The following RTN4R variants were observed in gnomAD, a reference collection of about 807,000 sequenced individuals.
The protein encoded by RTN4R is reticulon 4 receptor, also known as reticulon-4 receptor.
In RTN4R, 4 loss-of-function variants were observed where a neutral mutation model predicts 27.7. That is an observed-to-expected ratio of 0.14 (90% CI 0.07 to 0.33). The LOEUF is 0.33. RTN4R is among the 10% of genes least tolerant of loss of function. RTN4R has a pLI of 1.00. For missense variants in RTN4R, 554 were observed against 671.5 expected (o/e 0.83, Z 1.93); for synonymous variants, 290 against 305.6 (o/e 0.95, Z 0.53).
At chr22:20,248,006 G>A (rs1423658571) in intron 1 of RTN4R, among the ~76,000 whole-genome samples, 2 of 152,214 alleles carry the variant, frequency 1.3e-5, no homozygotes, top group Non-Finnish European at 2.9e-5. Context: ...CAGAGACAAC[G>A]AGATGTAGGT....
At chr22:20,268,038 C>T in intron 1 of RTN4R, 33 bp downstream of exon 1, 2 of 1,154,850 alleles carry the variant, frequency 1.7e-6, no homozygotes, top group South Asian at 4.1e-5. Context: ...CGCCCCGCCG[C>T]CGGCCGGGCT....
chr22:20,242,496 G>A lies in RTN4R; in HGVS notation c.637C>T (p.Arg213Cys), dbSNP rs764343548. Reference protein sequence around the residue: ...SLDRLLLHQNRVAHVHPHAFR... With the variant: ...SLDRLLLHQNCVAHVHPHAFR... ...GCATGCGGGTGCACATGGGCCACGC[G>A]GTTCTGGTGCAGTAGGAGACGGTCG... Residue 213 changes from arginine to cysteine, a missense_variant, in exon 2 of 2, where the codon CGC (arginine) becomes TGC (cysteine). Physicochemically the swap from Arg to Cys is radical, Grantham distance 180. Coordinates refer to ENST00000043402, the MANE Select transcript of RTN4R (RefSeq NM_023004.6). The A allele has an allele frequency of 8.1e-6, 13 of 1,613,654 alleles. No individual in the cohort carries two copies. The highest frequency in any genetic ancestry group is 2.2e-5 in the East Asian group (1 of 44,900).
At chr22:20,261,665 AC>A (rs1480714847) in intron 1 of RTN4R, among the ~76,000 whole-genome samples, 2 of 152,202 alleles carry the variant, frequency 1.3e-5, no homozygotes, top group Non-Finnish European at 2.9e-5. Context: ...ACAGAAGGGC[AC>A]CAGGCACTGC....
chr22:20,257,454 C>T (rs1376147287), intron 1 of RTN4R, among the ~76,000 whole-genome samples: 3 of 152,160 alleles, frequency 2.0e-5, no homozygotes, highest in African/African-American at 7.2e-5. Flanking sequence ...TCAGAGAGTA[C>T]ATGCCCTCCT....
At position 20,241,756 on chromosome 22, in the gene RTN4R, G is replaced by T; in HGVS notation, c.1377C>A (p.Pro459=). Residue 459 remains proline, a synonymous_variant, in exon 2 of 2, where the codon CCC becomes CCA. Transcript: ENST00000043402. ...TCCACAGCACCAGCGCCAGGCCCAG[G>T]GGGGTGAGGCTGCAGGTGAGGCTGG... ...ALPSLTCSLT[P]LGLALVLWTV... 2.6e-6 allele frequency: 4 copies of T among 1,552,786 alleles called. No individual in the cohort carries two copies. The highest frequency in any genetic ancestry group is 3.5e-6 in the Non-Finnish European group (4 of 1,148,198).
intron 1 of RTN4R, among the ~76,000 whole-genome samples, chr22:20,258,732 C>T (rs921028106): frequency 1.3e-5 from 2 of 152,154 alleles, no homozygotes; most frequent in Non-Finnish European, 2.9e-5. Flanking sequence ...TGATGGAGAC[C>T]GTCCTGCAAC....
rs938497859 is a variant in RTN4R, at chr22:20,242,263, C to T, written c.870G>A (p.Pro290=). The T allele has an allele frequency of 3.8e-6, 6 of 1,597,788 alleles. No individual in the cohort carries two copies. In the African/African-American group the frequency reaches 5.4e-5, roughly 14 times the overall value. ...GSSSEVPCSL[P]QRLAGRDLKR... is the part of the protein sequence containing the mutation. ...TGAGGTCACGGCCAGCCAGGCGTTG[C>T]GGGAGGCTGCAGGGCACCTCGGAGG... Residue 290 remains proline, a synonymous_variant, in exon 2 of 2, where the codon CCG becomes CCA. Transcript: ENST00000043402.
chr22:20,266,284 G>A (rs1569043675), intron 1 of RTN4R, among the ~76,000 whole-genome samples: 1 of 152,240 alleles, frequency 6.6e-6, no homozygotes, highest in Non-Finnish European at 1.5e-5. Context: ...TCTGGTGGTG[G>A]CCAGGGGAGC....
At chr22:20,262,760 G>C (rs1602651974) in intron 1 of RTN4R, among the ~76,000 whole-genome samples, 1 of 152,250 alleles carries the variant, frequency 6.6e-6, no homozygotes, top group Non-Finnish European at 1.5e-5. Flanking sequence ...ACCAGGAAGG[G>C]TGGAGCTGCC....
In RTN4R at chr22:20,242,436, G is replaced by C. The variant is rs750323533; in HGVS notation, c.697C>G (p.Leu233Val). The C allele has an allele frequency of 4.3e-6, 7 of 1,613,534 alleles. No homozygotes were observed. In the South Asian group the frequency reaches 6.6e-5, roughly 15 times the overall value. Residue 233 changes from leucine (L) to valine (V), a missense_variant, in exon 2 of 2, where the codon CTG (leucine) becomes GTG (valine). By Grantham distance (32) the Leu-to-Val change is conservative (BLOSUM62 1). Coordinates refer to ENST00000043402, the MANE Select transcript of RTN4R (RefSeq NM_023004.6). ...AGCGCTGATAGATTGTTGGCAAACAGATAGAGTGTCATGAGGCGGCCAAGG... is the reference window on the plus strand; with the variant it reads ...AGCGCTGATAGATTGTTGGCAAACACATAGAGTGTCATGAGGCGGCCAAGG... ...RDLGRLMTLY[L>V]FANNLSALPT...
intron 1 of RTN4R, among the ~76,000 whole-genome samples, chr22:20,264,854 G>C (rs896960353): frequency 2.0e-5 from 3 of 152,210 alleles, no homozygotes; most frequent in African/African-American, 7.2e-5. Flanking sequence ...CCAGAATGGG[G>C]GCGGGACGGC....
intron 1 of RTN4R, among the ~76,000 whole-genome samples, chr22:20,245,494 G>T (rs2051135245): frequency 1.3e-5 from 2 of 152,100 alleles, no homozygotes; most frequent in Non-Finnish European, 2.9e-5. Flanking sequence ...CAGCCAGGTG[G>T]GGGGAGGGTG....
In RTN4R at chr22:20,242,030, C is replaced by T; in HGVS notation, c.1103G>A (p.Ser368Asn). 1 of 1,611,910 alleles carries T rather than the reference C, an allele frequency of 6.2e-7. No individual in the cohort carries two copies. Among genetic ancestry groups the T allele is most frequent in the Non-Finnish European group, 8.5e-7 (1 of 1,179,860 alleles). The change falls in exon 2 of 2, where the codon AGC becomes AAC. Residue 368 changes from serine (S) to asparagine (N), a missense_variant. By Grantham distance (46) the Ser-to-Asn change is conservative. Around this residue, in one of 2 missense-constraint regions of RTN4R, gnomAD observed 413 missense variants for 542.3 expected, o/e 0.76. Coordinates refer to ENST00000043402, the MANE Select transcript of RTN4R (RefSeq NM_023004.6). ...ALKGRVPPGDSPPGNGSGPRH... is the reference protein window; with the variant it reads ...ALKGRVPPGDNPPGNGSGPRH... ...TGGGCCAGAGCCGTTGCCCGGCGGG[C>T]TGTCACCGGGCGGCACGCGTCCCTT... is the stretch of plus-strand genomic sequence containing the variant.
intron 1 of RTN4R, among the ~76,000 whole-genome samples, chr22:20,256,973 T>C (rs915126759): frequency 1.3e-5 from 2 of 152,238 alleles, no homozygotes; most frequent in African/African-American, 4.8e-5. Context: ...TTAGCAGGCT[T>C]CTGTGTAGCT....
exon 1 of RTN4R, chr22:20,268,298 AGGGCGGCGGCGGCGCGGGGGTTGGGGCGT>A (rs2051292761): frequency 7.0e-3 from 9 of 1,294 alleles, no homozygotes; most frequent in Middle Eastern, 0.17. Context: ...GCACAGGGCG[AGGGCGGCGGCGGCGCGGGGGTTGGGGCGT>A]GGGCGGCGCG....
At chr22:20,252,539 C>A (rs1007726386) in intron 1 of RTN4R, among the ~76,000 whole-genome samples, 1 of 152,176 alleles carries the variant, frequency 6.6e-6, no homozygotes, top group Admixed American at 6.5e-5. Context: ...GCCTTGCTGG[C>A]CACCTTGCAA....
rs2145972269 is a variant in RTN4R at position 20,242,783 on chromosome 22, T to C, written c.350A>G (p.Gln117Arg). 6.2e-7 allele frequency: 1 copy of C among 1,612,862 alleles called. No homozygotes were observed. The highest frequency in any genetic ancestry group is 1.3e-5 in the African/African-American group (1 of 75,052). ...LEQLDLSDNA[Q>R]LRSVDPATFH... Reference sequence around the variant, plus strand: ...TGTGGCAGGGTCCACAGACCGGAGCTGTGCATTATCGCTGAGGTCCAGCTG... The same window carrying C: ...TGTGGCAGGGTCCACAGACCGGAGCCGTGCATTATCGCTGAGGTCCAGCTG... The change falls in exon 2 of 2, where the codon CAG becomes CGG. Residue 117 changes from glutamine (Q) to arginine (R), a missense_variant. Coordinates refer to ENST00000043402, the MANE Select transcript of RTN4R (RefSeq NM_023004.6).
intron 1 of RTN4R, chr22:20,267,568 T>C (rs1192467143): frequency 2.1e-6 from 1 of 467,234 alleles, no homozygotes; most frequent in East Asian, 7.3e-5. Flanking sequence ...CCACGCCCTC[T>C]ACTGCCGCCA....
rs774729089 is a variant in RTN4R at position 20,241,871 on chromosome 22, C to G, written c.1262G>C (p.Arg421Pro). Residue 421 changes from arginine to proline, a missense_variant, in exon 2 of 2, where the codon CGC becomes CCC. This residue lies in a region of RTN4R where 141 missense variants were observed against 129.2 expected (regional missense o/e 1.09). Transcript: ENST00000043402. Reference protein sequence around the residue: ...SGPRRRPGCSRKNRTRSHCRL... With the variant: ...SGPRRRPGCSPKNRTRSHCRL... ...GCAGTGGCTGCGGGTGCGGTTCTTG[C>G]GTGAACAGCCTGGCCTCCGGCGAGG... The G allele has an allele frequency of 6.2e-7, 1 of 1,609,018 alleles. No homozygotes were observed. The highest frequency in any genetic ancestry group is 8.5e-7 in the Non-Finnish European group (1 of 1,178,520).
Sources: gnomAD v4.1 joint callset for allele counts (sites outside exome capture counted in the v4.1 genomes callset) on GRCh38, gnomAD v4.1.1 for gene constraint, gnomAD v4.1.1 regional missense constraint, MANE v1.5 for transcripts, NCBI Gene and HGNC (gene_info 2026-07-23, HGNC 2026-07-21) for gene names.